Variants in PPFIA2 observed in about 807,000 individuals in gnomAD.
PPFIA2 encodes the protein liprin-alpha-2.
Under a neutral mutation model 175.5 loss-of-function variants are expected in PPFIA2, and 46 were observed. That is an observed-to-expected ratio of 0.26 (90% CI 0.21 to 0.34). PPFIA2 has a LOEUF of 0.34. PPFIA2 is among the 10% of genes least tolerant of loss of function. The probability of loss-of-function intolerance (pLI) is 1.00; values close to 1 mark genes in which losing one functional copy is unlikely to be tolerated. For synonymous variants in PPFIA2, 568 were observed against 511.4 expected (o/e 1.11, Z -1.49); for missense variants, 1,179 against 1,506.1 (o/e 0.78, Z 3.60).
intron 3 of PPFIA2, among the ~76,000 whole-genome samples, chr12:81,717,265 T>G (rs1392972933): frequency 6.9e-6 from 1 of 145,608 alleles, no homozygotes; most frequent in Non-Finnish European, 1.6e-5. Context: ...ATAATTTTGA[T>G]GTGGCATGAA....
intron 4 of PPFIA2, among the ~76,000 whole-genome samples, chr12:81,493,535 C>T (rs924760108): frequency 2.6e-5 from 4 of 151,782 alleles, no homozygotes; most frequent in African/African-American, 9.7e-5. Context: ...CCAGATTTGG[C>T]AACACAGAAA....
chr12:81,732,442 G>A lies in PPFIA2; in HGVS notation c.249+21531C>T, dbSNP rs1008230455. Among the ~76,000 whole-genome samples the A allele has an allele frequency of 2.0e-5, 3 of 149,616 alleles. No individual in the cohort carries two copies. The East Asian group carries it at 6.0e-4, about 30-fold the overall frequency. On this transcript the variant is annotated intron_variant, in intron 3 of 32. Transcript: ENST00000549396. ...AGTATTCAATTCTTCCTCTTTATAT[G>A]TTGGACCAGAAGATGGAATGATTAC...
intron 19 of PPFIA2, among the ~76,000 whole-genome samples, chr12:81,343,479 T>C (rs910702304): frequency 2.0e-5 from 3 of 152,050 alleles, no homozygotes; most frequent in Admixed American, 6.6e-5. Flanking sequence ...AAAATGGTAA[T>C]TCCATCTATT....
At chr12:81,732,413 G>A (rs1156596991) in intron 3 of PPFIA2, among the ~76,000 whole-genome samples, 1 of 150,728 alleles carries the variant, frequency 6.6e-6, no homozygotes, top group East Asian at 1.9e-4. Context: ...AGCAAGGACA[G>A]AGAAGTATTC....
chr12:81,273,799 G>T (rs570739217), intron 28 of PPFIA2, among the ~76,000 whole-genome samples: 108 of 152,104 alleles, frequency 7.1e-4, no homozygotes, highest in African/African-American at 2.6e-3. Flanking sequence ...ATTATTATTA[G>T]CTGCTCCATT....
At chr12:81,754,360 A>G in intron 2 of PPFIA2, 137 bp from the exon 3 acceptor site, 1 of 1,071,334 alleles carries the variant, frequency 9.3e-7, no homozygotes, top group South Asian at 1.6e-5. Flanking sequence ...CCCCAAATCC[A>G]GCCAAGCAAA....
chr12:81,487,309 G>A (rs1426732582), intron 4 of PPFIA2, among the ~76,000 whole-genome samples: 1 of 151,824 alleles, frequency 6.6e-6, no homozygotes, highest in Non-Finnish European at 1.5e-5. Flanking sequence ...TTTTAGCTGT[G>A]TGTTCTTGGG....
intron 22 of PPFIA2, among the ~76,000 whole-genome samples, chr12:81,324,480 C>A (rs575906094): frequency 6.6e-6 from 1 of 151,840 alleles, no homozygotes; most frequent in Non-Finnish European, 1.5e-5. Context: ...TAAACTGAGT[C>A]CATTAGTCAG....
intron 4 of PPFIA2, among the ~76,000 whole-genome samples, chr12:81,465,805 CTT>C (rs1406973954): frequency 1.3e-5 from 2 of 152,054 alleles, no homozygotes; most frequent in Admixed American, 6.6e-5. Context: ...TATATCTACA[CTT>C]AGTATATTTG....
chr12:81,684,569 T>C (rs1410434497), intron 3 of PPFIA2, among the ~76,000 whole-genome samples: 2 of 152,150 alleles, frequency 1.3e-5, no homozygotes, highest in African/African-American at 2.4e-5. Context: ...GAAGTGTGTC[T>C]TATTTTTGTA....
At chr12:81,615,549 AC>A (rs1453572059) in intron 4 of PPFIA2, among the ~76,000 whole-genome samples, 1 of 152,156 alleles carries the variant, frequency 6.6e-6, no homozygotes, top group Non-Finnish European at 1.5e-5. Context: ...TTGGAGGAAG[AC>A]CAAAAGAGCA....
rs2089164122 is a variant in PPFIA2, at chr12:81,259,307, A to G, written c.*387T>C. 2.4e-6 allele frequency: 1 copy of G among 415,388 alleles called. No individual in the cohort carries two copies. Among genetic ancestry groups the G allele is most frequent in the Non-Finnish European group, 4.5e-6 (1 of 223,074 alleles). The allele number at this position is 415,388 out of a possible 1,614,324, so 25.7% of individuals were successfully genotyped here. A position where few individuals can be genotyped will look rare whatever the true frequency, so the allele number is the denominator to read the frequency against. On this transcript the variant is annotated 3_prime_UTR_variant, in exon 33 of 33. Transcript: ENST00000549396. ...TTTTATTTTTTAAAAAATCATATTTATATCCATTTACATAAGACTTACACA... is the reference window on the plus strand; with the variant it reads ...TTTTATTTTTTAAAAAATCATATTTGTATCCATTTACATAAGACTTACACA...
chr12:81,697,842 T>A (rs1443781511), intron 3 of PPFIA2, among the ~76,000 whole-genome samples: 1 of 152,122 alleles, frequency 6.6e-6, no homozygotes, highest in Non-Finnish European at 1.5e-5. Context: ...TAGATGAATA[T>A]ACTATTTCAA....
At chr12:81,487,067 C>T (rs1389536071) in intron 4 of PPFIA2, among the ~76,000 whole-genome samples, 2 of 151,930 alleles carry the variant, frequency 1.3e-5, no homozygotes, top group African/African-American at 4.8e-5. Flanking sequence ...GAAAGTTTCC[C>T]TTAGGAAAGA....
intron 4 of PPFIA2, among the ~76,000 whole-genome samples, chr12:81,494,009 C>T (rs1168259458): frequency 2.0e-5 from 3 of 151,824 alleles, no homozygotes; most frequent in Admixed American, 6.6e-5. Flanking sequence ...AAAACCTAGG[C>T]ATTACCATTC....
intron 4 of PPFIA2, among the ~76,000 whole-genome samples, chr12:81,669,537 T>A (rs1193086688): frequency 6.6e-6 from 1 of 151,996 alleles, no homozygotes; most frequent in African/African-American, 2.4e-5. Context: ...ACAATCATCC[T>A]ATAGGATCAG....
At chr12:81,439,603 C>A (rs1336246533) in intron 7 of PPFIA2, among the ~76,000 whole-genome samples, 1 of 152,100 alleles carries the variant, frequency 6.6e-6, no homozygotes, top group Non-Finnish European at 1.5e-5. Context: ...GTATATCTCT[C>A]CAAGGAGTTC....
chr12:81,465,765 C>G (rs1051203571), intron 4 of PPFIA2, among the ~76,000 whole-genome samples: 1 of 151,938 alleles, frequency 6.6e-6, no homozygotes, highest in Non-Finnish European at 1.5e-5. Flanking sequence ...ATAAACAAAG[C>G]AACAAAAAGA....
At chr12:81,355,812 G>A (rs1194026772) in intron 16 of PPFIA2, among the ~76,000 whole-genome samples, 1 of 152,132 alleles carries the variant, frequency 6.6e-6, no homozygotes, top group Non-Finnish European at 1.5e-5. Context: ...GTCTTGCTCT[G>A]GGTTATGCTT....
Sources: allele counts gnomAD v4.1 joint callset (sites outside exome capture counted in the v4.1 genomes callset), GRCh38; gene constraint gnomAD v4.1.1; transcripts MANE v1.5; gene names NCBI Gene and HGNC (gene_info 2026-07-23, HGNC 2026-07-21).